SHISA9: variants seen among roughly 807,000 people sequenced by gnomAD.
The protein encoded by SHISA9 is shisa family member 9.
SHISA9 carries 13 observed loss-of-function variants against 38.0 expected under a neutral mutation model. The observed-to-expected ratio is 0.34, with a 90% CI of 0.22 to 0.54. The LOEUF (loss-of-function observed/expected upper bound fraction) is 0.54. Among genes scored for constraint, SHISA9 ranks in the 20% least tolerant of loss-of-function variants. SHISA9 has a pLI of 0.91. For synonymous variants in SHISA9, 275 were observed against 242.0 expected, an observed-to-expected ratio of 1.14 and a Z score of -1.27; for missense variants, 538 against 575.8, an observed-to-expected ratio of 0.93 and a Z score of 0.67.
the SHISA9 span, among the ~76,000 whole-genome samples, chr16:13,373,431 A>T: frequency 1.3e-4 from 20 of 152,278 alleles, no homozygotes; most frequent in Non-Finnish European, 2.1e-4. Context: ...TGGGCTGCTC[A>T]TTATTGTCTC....
chr16:13,170,069 G>T lies in SHISA9; in HGVS notation c.692-33325G>T, dbSNP rs75604948. On this transcript the variant is annotated intron_variant, in intron 2 of 4. Transcript: ENST00000558583. The stretch of plus-strand genomic sequence containing the variant: ...AATATAAAAATTAGCCAAGCGTGTT[G>T]GTGTATGCCTGTAATCCCAGCTATT... Among the ~76,000 whole-genome samples the T allele has an allele frequency of 9.5e-4, 145 of 151,998 alleles. 2 individuals carry two copies. The East Asian group carries it at 0.025, about 26-fold the overall frequency.
At chr16:12,908,721 G>A (rs113454355) in intron 1 of SHISA9, 139 of 1,459,526 alleles carry the variant, frequency 9.5e-5, no homozygotes, top group Middle Eastern at 4.6e-4. Flanking sequence ...AGAAGCTACC[G>A]TAAGATGAAG....
chr16:12,950,847 A>G (rs1459954803), intron 2 of SHISA9, among the ~76,000 whole-genome samples: 1 of 150,338 alleles, frequency 6.7e-6, no homozygotes, highest in Non-Finnish European at 1.5e-5. Context: ...TGACCTTGTG[A>G]TCCACCCACC....
intron 2 of SHISA9, among the ~76,000 whole-genome samples, chr16:12,963,320 C>G (rs752621807): frequency 1.1e-4 from 17 of 152,192 alleles, no homozygotes; most frequent in Non-Finnish European, 1.8e-4. Flanking sequence ...TAGTCTCTGT[C>G]TTTTCCTCCA....
At chr16:13,372,459 C>T in the SHISA9 span, among the ~76,000 whole-genome samples, 21 of 152,234 alleles carry the variant, frequency 1.4e-4, no homozygotes, top group Admixed American at 2.6e-4. Context: ...GGTCTAATTG[C>T]AACTTGCCCT....
chr16:13,320,272 G>A, the SHISA9 span, among the ~76,000 whole-genome samples: 1 of 113,776 alleles, frequency 8.8e-6, no homozygotes, highest in African/African-American at 3.4e-5. Context: ...CAGCCTGGGT[G>A]ACAGAGCGAG....
At chr16:13,112,001 G>C (rs188223581) in intron 2 of SHISA9, among the ~76,000 whole-genome samples, 1 of 152,156 alleles carries the variant, frequency 6.6e-6, no homozygotes, top group Non-Finnish European at 1.5e-5. Context: ...TCAAAACCAG[G>C]TCTGTCTGAC....
chr16:13,141,950 C>T (rs967141354), intron 2 of SHISA9, among the ~76,000 whole-genome samples: 2 of 152,160 alleles, frequency 1.3e-5, no homozygotes, highest in African/African-American at 2.4e-5. Context: ...TTCACATTGA[C>T]AACCCTGGAG....
At chr16:13,180,346 A>C (rs1373025078) in intron 2 of SHISA9, among the ~76,000 whole-genome samples, 1 of 152,242 alleles carries the variant, frequency 6.6e-6, no homozygotes, top group Non-Finnish European at 1.5e-5. Flanking sequence ...CCAGGGGTGC[A>C]GGACACCTAA....
intron 2 of SHISA9, among the ~76,000 whole-genome samples, chr16:13,158,096 T>A (rs1596689431): frequency 6.6e-6 from 1 of 152,204 alleles, no homozygotes; most frequent in African/African-American, 2.4e-5. Flanking sequence ...TGGGCTTTAG[T>A]CACTTTCAGG....
chr16:13,144,578 C>G (rs528844951), intron 2 of SHISA9, among the ~76,000 whole-genome samples: 1 of 151,782 alleles, frequency 6.6e-6, no homozygotes, highest in Non-Finnish European at 1.5e-5. Context: ...ATTACGAGGT[C>G]GGGGAAAGAA....
intron 2 of SHISA9, among the ~76,000 whole-genome samples, chr16:12,987,700 A>G (rs920240078): frequency 2.0e-5 from 3 of 152,190 alleles, no homozygotes; most frequent in Non-Finnish European, 4.4e-5. Context: ...GTTTACCTAT[A>G]AAACAAACCT....
chr16:13,476,045 T>C, the SHISA9 span, among the ~76,000 whole-genome samples: 1 of 152,184 alleles, frequency 6.6e-6, no homozygotes, highest in Admixed American at 6.5e-5. Context: ...GGCTACAGAC[T>C]ACCACCCGTC....
chr16:13,251,038 T>A, the SHISA9 span, among the ~76,000 whole-genome samples: 3 of 152,172 alleles, frequency 2.0e-5, no homozygotes, highest in Admixed American at 6.5e-5. Context: ...TGTAAGGTTT[T>A]GAACACGTTT....
At chr16:12,914,062 T>G (rs76909985) in intron 1 of SHISA9, among the ~76,000 whole-genome samples, 1 of 145,324 alleles carries the variant, frequency 6.9e-6, no homozygotes, top group African/African-American at 2.7e-5. Context: ...TTTTTTTTTT[T>G]TGAGATGGAG....
At chr16:13,195,417 T>C (rs1188962848) in intron 2 of SHISA9, among the ~76,000 whole-genome samples, 4 of 152,226 alleles carry the variant, frequency 2.6e-5, no homozygotes, top group East Asian at 3.8e-4. Context: ...TCTACACTGA[T>C]ATGAATACAT....
chr16:13,068,664 C>A (rs1275660214), intron 2 of SHISA9, among the ~76,000 whole-genome samples: 1 of 152,192 alleles, frequency 6.6e-6, no homozygotes, highest in Non-Finnish European at 1.5e-5. Flanking sequence ...TGTGGCTGGG[C>A]CATTAAGAAG....
intron 2 of SHISA9, among the ~76,000 whole-genome samples, chr16:13,160,021 A>G (rs153092): frequency 0.26 from 38,885 of 152,200 alleles, 5,145 homozygotes; most frequent in East Asian, 0.42. Context: ...AAATAAAATA[A>G]TTCTATATTG....
At chr16:13,411,932 T>C in the SHISA9 span, among the ~76,000 whole-genome samples, 1 of 151,658 alleles carries the variant, frequency 6.6e-6, no homozygotes, top group Non-Finnish European at 1.5e-5. Context: ...TTAGCACACA[T>C]GAGGGTCAAT....
Sources: allele counts gnomAD v4.1 joint callset (sites outside exome capture counted in the v4.1 genomes callset), GRCh38; gene constraint gnomAD v4.1.1; transcripts MANE v1.5; gene names NCBI Gene and HGNC (gene_info 2026-07-23, HGNC 2026-07-21).